Variants in MIEF1 observed in about 807,000 individuals in gnomAD.
The protein encoded by MIEF1 is mitochondrial dynamics protein MIEF1.
MIEF1 carries 14 observed loss-of-function variants against 35.1 expected under a neutral mutation model. That is an observed-to-expected ratio of 0.40 (90% CI 0.26 to 0.62). The LOEUF (loss-of-function observed/expected upper bound fraction) is 0.62, where lower values mean the gene tolerates loss of function less well. MIEF1 is among the 20% of genes least tolerant of loss of function. The pLI, the probability that MIEF1 is intolerant of heterozygous loss-of-function variation, is 0.43. For synonymous variants in MIEF1, 245 were observed against 254.3 expected, an observed-to-expected ratio of 0.96 and a Z score of 0.35; for missense variants, 542 against 615.4, an observed-to-expected ratio of 0.88 and a Z score of 1.26.
intron 2 of MIEF1, among the ~76,000 whole-genome samples, chr22:39,509,835 T>C (rs1216393922): frequency 6.6e-6 from 1 of 152,208 alleles, no homozygotes; most frequent in African/African-American, 2.4e-5. Context: ...TGTTGTTTTG[T>C]GTTTTGTTTG....
At position 39,514,211 on chromosome 22, in the gene MIEF1, C is replaced by T. The variant is rs1930533924; in HGVS notation, c.1280C>T (p.Ala427Val). ...SYLEAGVLPS[A>V]LNPKVNLFAE... ...TTAGAGGCTGGAGTCCTGCCCAGTGCCCTAAACCCCAAGGTGAACTTATTT... is the reference window on the plus strand; with the variant it reads ...TTAGAGGCTGGAGTCCTGCCCAGTGTCCTAAACCCCAAGGTGAACTTATTT... The change falls in exon 6 of 6, where the codon GCC (alanine) becomes GTC (valine). Residue 427 changes from alanine (A) to valine (V), a missense_variant. By Grantham distance (64) the Ala-to-Val change is moderately conservative. Transcript: ENST00000325301. 3 of 1,614,224 alleles carry T rather than the reference C, an allele frequency of 1.9e-6. No individual in the cohort carries two copies. The highest frequency in any genetic ancestry group is 1.1e-5 in the South Asian group (1 of 91,082).
chr22:39,510,302 C>G (rs1400717851), intron 2 of MIEF1, among the ~76,000 whole-genome samples: 1 of 151,932 alleles, frequency 6.6e-6, no homozygotes, highest in African/African-American at 2.4e-5. Context: ...GGGTCTCACT[C>G]TGTCACTGAG....
chr22:39,512,927 G>A (rs1173425453), intron 5 of MIEF1, among the ~76,000 whole-genome samples: 1 of 152,188 alleles, frequency 6.6e-6, no homozygotes. Context: ...GGGATTACAG[G>A]CGTGAGCCTG....
At chr22:39,505,218 G>A (rs1382280301) in intron 2 of MIEF1, among the ~76,000 whole-genome samples, 1 of 151,900 alleles carries the variant, frequency 6.6e-6, no homozygotes, top group Non-Finnish European at 1.5e-5. Context: ...ACGGGGTCTC[G>A]CTCTCGCCCA....
chr22:39,508,288 C>T (rs956128981), intron 2 of MIEF1, among the ~76,000 whole-genome samples: 1 of 152,190 alleles, frequency 6.6e-6, no homozygotes, highest in East Asian at 1.9e-4. Context: ...CTAAAACCCA[C>T]GCTCTGTTCT....
chr22:39,512,015 C>T lies in MIEF1; in HGVS notation c.311C>T (p.Thr104Ile). The T allele has an allele frequency of 1.2e-6, 2 of 1,612,988 alleles. No homozygotes were observed. Among genetic ancestry groups the T allele is most frequent in the Non-Finnish European group, 1.7e-6 (2 of 1,179,516 alleles). Residue 104 changes from threonine to isoleucine, a missense_variant, in exon 4 of 6, where the codon ACC becomes ATC. By Grantham distance (89) the Thr-to-Ile change is moderately conservative. Coordinates refer to ENST00000325301, the MANE Select transcript of MIEF1 (RefSeq NM_019008.6). Reference sequence around the variant, plus strand: ...CAGACCCTTCCCACAGACTCCTCCACCTTCGACACAGGTGAGAAGGGCTGC... The same window carrying T: ...CAGACCCTTCCCACAGACTCCTCCATCTTCGACACAGGTGAGAAGGGCTGC... ...SLQTLPTDSS[T>I]FDTDTFCPPR... is the part of the protein sequence containing the mutation.
chr22:39,511,962 C>T lies in MIEF1; in HGVS notation c.258C>T (p.Asp86=). 1 of 1,614,206 alleles carries T rather than the reference C, an allele frequency of 6.2e-7. No homozygotes were observed. Among genetic ancestry groups the T allele is most frequent in the Admixed American group, 1.7e-5 (1 of 60,032 alleles). The change falls in exon 4 of 6, where the codon GAC becomes GAT. Residue 86 remains aspartate (D), a synonymous_variant. Transcript: ENST00000325301. ...GCTCCCCACGACTGCTGAACAGGGACATGAAGACGGGCCTGAGCCGGTCCT... is the reference window on the plus strand; with the variant it reads ...GCTCCCCACGACTGCTGAACAGGGATATGAAGACGGGCCTGAGCCGGTCCT... ...WMGSPRLLNR[D]MKTGLSRSLQ... is the part of the protein sequence containing the mutation.
At chr22:39,511,753 G>GA in intron 3 of MIEF1, 96 bp from the exon 4 acceptor site, 1 of 1,442,854 alleles carries the variant, frequency 6.9e-7, no homozygotes, top group Non-Finnish European at 9.3e-7. Context: ...ATTACTAAAA[G>GA]AACTTACTAG....
Position 39,515,303 on chromosome 22 carries a change from G to A in MIEF1, c.*980G>A, listed in dbSNP as rs1010046449. 2 of 717,510 alleles carry A rather than the reference G, an allele frequency of 2.8e-6. No individual in the cohort carries two copies. Among genetic ancestry groups the A allele is most frequent in the African/African-American group, 3.5e-5 (2 of 57,258 alleles). The allele number at this position is 717,510 out of a possible 1,614,324, so 44.4% of individuals were successfully genotyped here. A position where few individuals can be genotyped will look rare whatever the true frequency, so the allele number is the denominator to read the frequency against. On this transcript the variant is annotated 3_prime_UTR_variant, in exon 6 of 6. Coordinates refer to ENST00000325301, the MANE Select transcript of MIEF1 (RefSeq NM_019008.6). ...GAGGTAGACAGTCGACTGAATGTCAGCTGGAAAATCCAGTCACTAGTTGGG... is the reference window on the plus strand; with the variant it reads ...GAGGTAGACAGTCGACTGAATGTCAACTGGAAAATCCAGTCACTAGTTGGG...
chr22:39,501,348 A>G (rs1284386518), upstream of MIEF1, among the ~76,000 whole-genome samples: 1 of 152,214 alleles, frequency 6.6e-6, no homozygotes, highest in Non-Finnish European at 1.5e-5. Flanking sequence ...CTATTCTGCA[A>G]TTGCCCACCC....
At chr22:39,501,114 C>G (rs1047548490), upstream of MIEF1, among the ~76,000 whole-genome samples, 1 of 152,158 alleles carries the variant, frequency 6.6e-6, no homozygotes, top group African/African-American at 2.4e-5. Context: ...GGCTCTGAAC[C>G]CTGCTGTGGT....
chr22:39,512,478 T>C lies in MIEF1; in HGVS notation c.569T>C (p.Leu190Pro), dbSNP rs1022946628. The C allele has an allele frequency of 1.2e-6, 2 of 1,612,432 alleles. No homozygotes were observed. The highest frequency in any genetic ancestry group is 1.3e-5 in the African/African-American group (1 of 75,038). The change falls in exon 5 of 6, where the codon CTC (leucine) becomes CCC (proline). Residue 190 changes from leucine to proline, a missense_variant. Physicochemically the swap from Leu to Pro is moderately conservative, Grantham distance 98. Transcript: ENST00000325301. Reference protein sequence around the residue: ...PLRDMYLSGSLYDDLQVVTAD... With the variant: ...PLRDMYLSGSPYDDLQVVTAD... ...CGGGACATGTACTTGAGTGGCAGCC[T>C]CTACGATGACCTGCAGGTAACAAGG...
At position 39,517,056 on chromosome 22, in the gene MIEF1, C is replaced by CG. The variant is rs1930706970; in HGVS notation, c.*2733_*2734insG. The CG allele has an allele frequency of 6.5e-6, 1 of 153,392 alleles. No homozygotes were observed. The highest frequency in any genetic ancestry group is 1.5e-5 in the Non-Finnish European group (1 of 68,914). 9.5% of individuals were successfully genotyped at this position (153,392 alleles called of 1,614,324 possible). A position where few individuals can be genotyped will look rare whatever the true frequency, so the allele number is the denominator to read the frequency against. On this transcript the variant is annotated 3_prime_UTR_variant, in exon 6 of 6. Coordinates refer to ENST00000325301, the MANE Select transcript of MIEF1 (RefSeq NM_019008.6). ...GATAGAAGAGGACAACATTCTGCAC[C>CG]TGCCCCCTTTTTTAAATCTTTGGGG... is the stretch of plus-strand genomic sequence containing the variant.
Position 39,509,880 on chromosome 22 carries a change from G to A in MIEF1, c.-7-1408G>A, listed in dbSNP as rs151132771. Among the ~76,000 whole-genome samples, 84 of 152,304 alleles carry A rather than the reference G, an allele frequency of 5.5e-4. No homozygotes were observed. The Middle Eastern group carries it at 0.02, about 37-fold the overall frequency. ...GATAGAATAAGGGCCGATTTGATTT[G>A]GGTAAGGGTGAGCATGGTACAGTAG... On this transcript the variant is annotated intron_variant, in intron 2 of 5. Transcript: ENST00000325301.
At chr22:39,501,551 G>A (rs555991416), upstream of MIEF1, 3 of 152,360 alleles carry the variant, frequency 2.0e-5, no homozygotes, top group Admixed American at 6.5e-5. Context: ...GAGGCAGTTG[G>A]GGGAGGGAGC....
At chr22:39,506,044 G>T (rs1019812623) in intron 2 of MIEF1, among the ~76,000 whole-genome samples, 3 of 152,214 alleles carry the variant, frequency 2.0e-5, no homozygotes, top group African/African-American at 7.2e-5. Flanking sequence ...GCCCATGGGA[G>T]CCTGTCTGCA....
Position 39,508,063 on chromosome 22 carries a change from T to C in MIEF1, c.-7-3225T>C, listed in dbSNP as rs534971504. The stretch of plus-strand genomic sequence containing the variant: ...AGAGGAGAACTCATTTGTGGAGCAC[T>C]TTTACAGTTTATAGACCATCCACTG... On this transcript the variant is annotated intron_variant, in intron 2 of 5. Coordinates refer to ENST00000325301, the MANE Select transcript of MIEF1 (RefSeq NM_019008.6). 5.3e-5 allele frequency among the ~76,000 whole-genome samples: 8 copies of C among 152,286 alleles called. No individual in the cohort carries two copies. In the East Asian group the frequency reaches 1.5e-3, roughly 29 times the overall value.
intron 1 of MIEF1, 69 bp from the exon 2 acceptor site, chr22:39,504,134 A>G (rs1929892964): frequency 1.3e-5 from 5 of 397,826 alleles, no homozygotes; most frequent in African/African-American, 6.2e-5. Context: ...AAGCCCTCAC[A>G]TAGTCTCTAC....
chr22:39,504,150 C>T (rs557156738), intron 1 of MIEF1, 53 bp from the exon 2 acceptor site: 4 of 398,312 alleles, frequency 1.0e-5, no homozygotes, highest in Admixed American at 4.4e-5. Flanking sequence ...TCTACAGGTC[C>T]TTTTGTTATT....
Sources: gnomAD v4.1 joint callset for allele counts (sites outside exome capture counted in the v4.1 genomes callset) on GRCh38, gnomAD v4.1.1 for gene constraint, MANE v1.5 for transcripts, NCBI Gene and HGNC (gene_info 2026-07-23, HGNC 2026-07-21) for gene names.